ACSS2: variants seen among roughly 807,000 people sequenced by gnomAD.
The protein encoded by ACSS2 is acetyl-coenzyme A synthetase, cytoplasmic.
ACSS2 carries 58 observed loss-of-function variants against 90.6 expected under a neutral mutation model. The ratio of observed to expected loss-of-function variants is 0.64; its 90% CI spans 0.52 to 0.80. The LOEUF (loss-of-function observed/expected upper bound fraction) is 0.80. Among genes scored for constraint, ACSS2 ranks in the 30% least tolerant of loss-of-function variants. The pLI is 0.00. For missense variants in ACSS2, 759 were observed against 912.0 expected, an observed-to-expected ratio of 0.83 and a Z score of 2.16; for synonymous variants, 300 against 330.9, an observed-to-expected ratio of 0.91 and a Z score of 1.01.
intron 2 of ACSS2, among the ~76,000 whole-genome samples, chr20:34,890,441 G>C (rs981765203): frequency 6.6e-6 from 1 of 152,174 alleles, no homozygotes; most frequent in Non-Finnish European, 1.5e-5. Flanking sequence ...GAGTCAGTGA[G>C]GGTGTTAGAG....
Position 34,921,422 on chromosome 20 carries a change from A to G in ACSS2, c.1370A>G (p.Gln457Arg). ...WLWYHRVVGA[Q>R]RCPIVDTFWQ... is the part of the protein sequence containing the mutation. ...TGGTACCACCGGGTGGTAGGTGCCC[A>G]GCGCTGCCCCATCGTGGACACCTTC... Residue 457 changes from glutamine (Q) to arginine (R), a missense_variant, in exon 11 of 18, where the codon CAG (glutamine) becomes CGG (arginine). By Grantham distance (43) the Gln-to-Arg change is conservative (BLOSUM62 1). Transcript: ENST00000360596. 1 of 1,614,164 alleles carries G rather than the reference A, an allele frequency of 6.2e-7. No individual in the cohort carries two copies.
At chr20:34,906,420 A>G (rs1601336935) in intron 2 of ACSS2, among the ~76,000 whole-genome samples, 2 of 151,752 alleles carry the variant, frequency 1.3e-5, no homozygotes, top group Admixed American at 6.6e-5. Context: ...ACCTTTCCCA[A>G]CCAGCCAGGG....
In ACSS2 at chr20:34,882,777, T is replaced by C. The variant is rs754574068; in HGVS notation, c.179-17T>C. On this transcript the variant is annotated splice_polypyrimidine_tract_variant and intron_variant, in intron 1 of 17. Coordinates refer to ENST00000360596, the MANE Select transcript of ACSS2 (RefSeq NM_018677.4). The stretch of plus-strand genomic sequence containing the variant: ...CTCAGAAGATTAATGATATCTGGGC[T>C]TCCATTTCTGTTGCAGAATTCTGGG... 2 of 1,610,860 alleles carry C rather than the reference T, an allele frequency of 1.2e-6. No homozygotes were observed. The highest frequency in any genetic ancestry group is 1.7e-6 in the Non-Finnish European group (2 of 1,178,610).
intron 1 of ACSS2, 21 bp from the exon 2 acceptor site, chr20:34,882,773 G>T (rs776624293): frequency 2.5e-5 from 40 of 1,608,630 alleles, no homozygotes; most frequent in Non-Finnish European, 3.2e-5. Flanking sequence ...AATGATATCT[G>T]GGCTTCCATT....
chr20:34,926,558 C>T (rs1239002736), intron 16 of ACSS2, among the ~76,000 whole-genome samples: 3 of 152,202 alleles, frequency 2.0e-5, no homozygotes, highest in Non-Finnish European at 4.4e-5. Flanking sequence ...CTCCATGAAA[C>T]AGATCTTATT....
At chr20:34,894,309 G>T (rs975604474) in intron 2 of ACSS2, among the ~76,000 whole-genome samples, 7 of 151,864 alleles carry the variant, frequency 4.6e-5, no homozygotes. Flanking sequence ...GGCAACACAG[G>T]TAGACCCCAT....
At chr20:34,898,661 T>A (rs1328413629) in intron 2 of ACSS2, among the ~76,000 whole-genome samples, 1 of 152,218 alleles carries the variant, frequency 6.6e-6, no homozygotes, top group Non-Finnish European at 1.5e-5. Context: ...AGGGTGCAGA[T>A]TGGTGTATTT....
chr20:34,920,842 AGG>A (rs2081180491), intron 9 of ACSS2, 133 bp downstream of exon 9: 1 of 1,461,426 alleles, frequency 6.8e-7, no homozygotes, highest in Non-Finnish European at 9.3e-7. Context: ...AGAAGTCCTG[AGG>A]GGGTTGCGTA....
At chr20:34,908,818 G>T in intron 2 of ACSS2, 1 of 379,832 alleles carries the variant, frequency 2.6e-6, no homozygotes, top group South Asian at 1.9e-5. Flanking sequence ...CCAAGATCGC[G>T]CCATTTTACT....
chr20:34,877,897 C>CAGACAGAT, intron 1 of ACSS2, among the ~76,000 whole-genome samples: 1 of 91,130 alleles, frequency 1.1e-5, no homozygotes, highest in South Asian at 4.0e-4. Flanking sequence ...GGGTAAAGGA[C>CAGACAGAT]AGATAGATAG....
chr20:34,879,053 C>T (rs1166465240), intron 1 of ACSS2, among the ~76,000 whole-genome samples: 4 of 151,430 alleles, frequency 2.6e-5, no homozygotes, highest in African/African-American at 4.9e-5. Flanking sequence ...TACAGGCGCC[C>T]GCTACCACGC....
intron 4 of ACSS2, 34 bp from the exon 5 acceptor site, chr20:34,913,719 T>C: frequency 6.3e-7 from 1 of 1,597,948 alleles, no homozygotes; most frequent in African/African-American, 1.3e-5. Context: ...CCTGGGGCTT[T>C]CTTCTCTCCC....
intron 1 of ACSS2, among the ~76,000 whole-genome samples, chr20:34,879,384 C>A (rs1181247528): frequency 6.6e-6 from 1 of 151,956 alleles, no homozygotes; most frequent in African/African-American, 2.4e-5. Context: ...TCTACCTAGT[C>A]AAACTCCACC....
chr20:34,910,342 A>C (rs1366462452), intron 2 of ACSS2, among the ~76,000 whole-genome samples: 1 of 152,196 alleles, frequency 6.6e-6, no homozygotes, highest in East Asian at 1.9e-4. Context: ...CTGGAAAGTC[A>C]CACAGAATAT....
chr20:34,899,381 T>A (rs1336617835), intron 2 of ACSS2, among the ~76,000 whole-genome samples: 6 of 147,150 alleles, frequency 4.1e-5, no homozygotes, highest in African/African-American at 1.6e-4. Flanking sequence ...TTATCACATT[T>A]TTTTCTTTCT....
chr20:34,897,983 G>A (rs537469877), intron 2 of ACSS2, among the ~76,000 whole-genome samples: 4 of 152,242 alleles, frequency 2.6e-5, no homozygotes, highest in Admixed American at 6.5e-5. Context: ...GGACCCTCAC[G>A]GTGAGTGTTA....
At chr20:34,911,654 C>T (rs2080962748) in intron 2 of ACSS2, among the ~76,000 whole-genome samples, 1 of 152,096 alleles carries the variant, frequency 6.6e-6, no homozygotes, top group African/African-American at 2.4e-5. Context: ...AAGTATTTCT[C>T]CCTAGTCACT....
intron 2 of ACSS2, among the ~76,000 whole-genome samples, chr20:34,887,569 G>A (rs2080227707): frequency 6.6e-6 from 1 of 151,494 alleles, no homozygotes. Context: ...GTGAAACCCT[G>A]TCTCTACTAA....
At chr20:34,901,245 ATTCT>A (rs2080650984) in intron 2 of ACSS2, among the ~76,000 whole-genome samples, 1 of 152,088 alleles carries the variant, frequency 6.6e-6, no homozygotes, top group African/African-American at 2.4e-5. Context: ...CTCTTCTGGA[ATTCT>A]TTCTTTTTCT....
Sources: gnomAD v4.1 joint callset for allele counts (sites outside exome capture counted in the v4.1 genomes callset) on GRCh38, gnomAD v4.1.1 for gene constraint, MANE v1.5 for transcripts, NCBI Gene and HGNC (gene_info 2026-07-23, HGNC 2026-07-21) for gene names.